The following CERS6 variants were observed in gnomAD, a reference collection of about 807,000 sequenced individuals.
CERS6 encodes the protein LAG1 homolog, ceramide synthase 6.
In CERS6, 26 loss-of-function variants were observed where a neutral mutation model predicts 56.8. The observed-to-expected ratio is 0.46, with a 90% CI of 0.34 to 0.63. The LOEUF (loss-of-function observed/expected upper bound fraction) is 0.63, where lower values mean the gene tolerates loss of function less well. Ranked by LOEUF, CERS6 falls within the 30% of genes least tolerant of loss-of-function variation. The pLI, the probability that CERS6 is intolerant of heterozygous loss-of-function variation, is 0.01. For synonymous variants in CERS6, 164 were observed against 173.3 expected (o/e 0.95, Z 0.42); for missense variants, 415 against 467.5 (o/e 0.89, Z 1.04).
At chr2:168,511,865 AG>A (rs1694792880) in intron 1 of CERS6, among the ~76,000 whole-genome samples, 1 of 152,198 alleles carries the variant, frequency 6.6e-6, no homozygotes, top group Non-Finnish European at 1.5e-5. Context: ...AATAGCCAAA[AG>A]GTAGAAGCAA....
intron 6 of CERS6, among the ~76,000 whole-genome samples, chr2:168,703,912 A>G (rs1397648455): frequency 6.6e-6 from 1 of 152,188 alleles, no homozygotes; most frequent in Non-Finnish European, 1.5e-5. Flanking sequence ...TTCAGAATAT[A>G]AGCAGGGAAA....
intron 8 of CERS6, among the ~76,000 whole-genome samples, chr2:168,741,381 A>T (rs1328017712): frequency 3.3e-5 from 5 of 151,884 alleles, no homozygotes; most frequent in African/African-American, 9.7e-5. Flanking sequence ...ATTAAAAAAA[A>T]AAAAAAAAAA....
chr2:168,611,316 C>T (rs993188100), intron 3 of CERS6, among the ~76,000 whole-genome samples: 2 of 152,122 alleles, frequency 1.3e-5, no homozygotes, highest in African/African-American at 4.8e-5. Context: ...AAACTGTGTG[C>T]CAATAACCAT....
rs149520102 is a variant in CERS6 at position 168,480,475 on chromosome 2, A to G, written c.170+23857A>G. On this transcript the variant is annotated intron_variant, in intron 1 of 9. Coordinates refer to ENST00000305747, the MANE Select transcript of CERS6 (RefSeq NM_203463.3). ...AAAACCTCTTAATGTTAGAGATGAAAAAAACAGACCTAGAGAGTTAATGAC... is the reference window on the plus strand; with the variant it reads ...AAAACCTCTTAATGTTAGAGATGAAGAAAACAGACCTAGAGAGTTAATGAC... 5.9e-5 allele frequency among the ~76,000 whole-genome samples: 9 copies of G among 152,356 alleles called. No homozygotes were observed. The East Asian group carries it at 1.7e-3, about 29-fold the overall frequency.
chr2:168,635,047 A>T lies in CERS6; in HGVS notation c.465+4005A>T, dbSNP rs150193297. ...TTAGCTGAAAACAGTGTGCTTAGTG[A>T]TCCAGTTAATTTACCTCGAGTGTAA... On this transcript the variant is annotated intron_variant, in intron 4 of 9. Transcript: ENST00000305747. Among the ~76,000 whole-genome samples the T allele has an allele frequency of 2.6e-3, 403 of 152,276 alleles. 4 individuals are homozygous for T. Among genetic ancestry groups the T allele is most frequent in the African/African-American group, 9.2e-3 (383 of 41,550 alleles).
At chr2:168,616,095 CG>C (rs1684310355) in intron 3 of CERS6, among the ~76,000 whole-genome samples, 1 of 152,028 alleles carries the variant, frequency 6.6e-6, no homozygotes, top group African/African-American at 2.4e-5. Flanking sequence ...AATTATCAGC[CG>C]AAAGTTTTGT....
At chr2:168,681,714 T>C (rs1686220786) in intron 4 of CERS6, among the ~76,000 whole-genome samples, 1 of 152,186 alleles carries the variant, frequency 6.6e-6, no homozygotes, top group Non-Finnish European at 1.5e-5. Context: ...TGCCTGACAG[T>C]ACTGTAGAGT....
Position 168,649,886 on chromosome 2 carries a change from A to G in CERS6, c.465+18844A>G, listed in dbSNP as rs113416803. Among the ~76,000 whole-genome samples, 307 of 152,110 alleles carry G rather than the reference A, an allele frequency of 2.0e-3. 2 individuals are homozygous for G. Among genetic ancestry groups the G allele is most frequent in the African/African-American group, 7.0e-3 (289 of 41,476 alleles). ...ACAGGGTTCCCTATTTGCTTCCCCA[A>G]ACTTACTGTAAGCCCCTCAAGGATG... On this transcript the variant is annotated intron_variant, in intron 4 of 9. Transcript: ENST00000305747.
At chr2:168,748,473 C>A (rs1319436316) in intron 8 of CERS6, among the ~76,000 whole-genome samples, 1 of 152,060 alleles carries the variant, frequency 6.6e-6, no homozygotes, top group Admixed American at 6.5e-5. Context: ...TAAATAAAAC[C>A]ACCATCTCTA....
chr2:168,656,426 G>GGC (rs1685470794), intron 4 of CERS6, among the ~76,000 whole-genome samples: 1 of 151,764 alleles, frequency 6.6e-6, no homozygotes, highest in South Asian at 2.1e-4. Flanking sequence ...CTCTTAAGGT[G>GGC]GCGCGTCTGG....
At chr2:168,737,063 A>G (rs1196864945) in intron 8 of CERS6, among the ~76,000 whole-genome samples, 2 of 152,180 alleles carry the variant, frequency 1.3e-5, no homozygotes, top group African/African-American at 4.8e-5. Flanking sequence ...GATCCTGTGA[A>G]GAGCTATTGC....
chr2:168,558,618 C>T (rs1479640214), intron 2 of CERS6, among the ~76,000 whole-genome samples: 2 of 152,134 alleles, frequency 1.3e-5, no homozygotes, highest in East Asian at 1.9e-4. Flanking sequence ...GCCTGTAATC[C>T]CAGCACTTTG....
intron 1 of CERS6, among the ~76,000 whole-genome samples, chr2:168,488,245 TA>T (rs1694309438): frequency 6.6e-6 from 1 of 152,208 alleles, no homozygotes. Context: ...CACAGCTTAA[TA>T]CTCTGGTAAT....
At chr2:168,489,488 T>TC in intron 1 of CERS6, among the ~76,000 whole-genome samples, 1 of 149,444 alleles carries the variant, frequency 6.7e-6, no homozygotes, top group South Asian at 2.1e-4. Flanking sequence ...TTTTTTTTTT[T>TC]CTGGAAAACC....
At chr2:168,477,571 A>T (rs769110238) in intron 1 of CERS6, among the ~76,000 whole-genome samples, 3 of 152,214 alleles carry the variant, frequency 2.0e-5, no homozygotes, top group Non-Finnish European at 4.4e-5. Flanking sequence ...GCTTCTTGAG[A>T]TCATTTCCAA....
intron 8 of CERS6, among the ~76,000 whole-genome samples, chr2:168,727,620 TCATCTAGA>T (rs1181890639): frequency 6.6e-6 from 1 of 152,196 alleles, no homozygotes; most frequent in Non-Finnish European, 1.5e-5. Context: ...GATTTGAAAT[TCATCTAGA>T]CATGTAGGAG....
intron 8 of CERS6, among the ~76,000 whole-genome samples, chr2:168,764,399 C>G (rs555331415): frequency 6.3e-4 from 96 of 152,284 alleles, no homozygotes; most frequent in African/African-American, 2.3e-3. Flanking sequence ...ACCTCGGCCT[C>G]CCAAAGTGCT....
intron 8 of CERS6, among the ~76,000 whole-genome samples, chr2:168,751,082 A>T (rs1395877638): frequency 6.6e-6 from 1 of 152,230 alleles, no homozygotes; most frequent in African/African-American, 2.4e-5. Flanking sequence ...AATATTGATG[A>T]TAGCAGTGAC....
chr2:168,637,359 A>G (rs1231832201), intron 4 of CERS6, among the ~76,000 whole-genome samples: 1 of 152,098 alleles, frequency 6.6e-6, no homozygotes, highest in Non-Finnish European at 1.5e-5. Flanking sequence ...GCACACGCCT[A>G]TAGTCCCAGC....
Sources: allele counts gnomAD v4.1 joint callset (sites outside exome capture counted in the v4.1 genomes callset), GRCh38; gene constraint gnomAD v4.1.1; transcripts MANE v1.5; gene names NCBI Gene and HGNC (gene_info 2026-07-23, HGNC 2026-07-21).